Variants in CA10 observed in about 807,000 individuals in gnomAD.
CA10 encodes carbonic anhydrase-related protein 10.
CA10 carries 14 observed loss-of-function variants against 44.2 expected under a neutral mutation model. That is an observed-to-expected ratio of 0.32 (90% CI 0.21 to 0.50). CA10 has a LOEUF of 0.50. Ranked by LOEUF, CA10 falls within the 20% of genes least tolerant of loss-of-function variation. The pLI, the probability that CA10 is intolerant of heterozygous loss-of-function variation, is 0.99. For missense variants in CA10, 350 were observed against 409.7 expected (o/e 0.85, Z 1.26); for synonymous variants, 159 against 141.6 (o/e 1.12, Z -0.87).
intron 4 of CA10, among the ~76,000 whole-genome samples, chr17:51,721,624 C>T (rs1008382603): frequency 8.6e-5 from 13 of 151,780 alleles, no homozygotes; most frequent in African/African-American, 3.1e-4. Context: ...CGTGAGCCAC[C>T]GCACCTGGCC....
At chr17:51,734,805 A>AG (rs1916843547) in intron 4 of CA10, among the ~76,000 whole-genome samples, 1 of 152,102 alleles carries the variant, frequency 6.6e-6, no homozygotes, top group Non-Finnish European at 1.5e-5. Flanking sequence ...AGAATATCTG[A>AG]GATGGGGTAA....
At chr17:51,832,950 G>A (rs1042824793) in intron 3 of CA10, among the ~76,000 whole-genome samples, 4 of 152,124 alleles carry the variant, frequency 2.6e-5, no homozygotes, top group African/African-American at 7.2e-5. Context: ...GGGAAGTATG[G>A]GTGGAGGCTT....
At position 52,064,180 on chromosome 17, in the gene CA10, C is replaced by T. The variant is rs144643314; in HGVS notation, c.136+8139G>A. ...AGGCCATAGGAGACAAGGGTCTCAGCCCTACAACTGCATGGAATTGAATTC... is the reference window on the plus strand; with the variant it reads ...AGGCCATAGGAGACAAGGGTCTCAGTCCTACAACTGCATGGAATTGAATTC... On this transcript the variant is annotated intron_variant, in intron 2 of 8. Transcript: ENST00000451037. 1.2e-3 allele frequency among the ~76,000 whole-genome samples: 182 copies of T among 152,234 alleles called. 5 individuals are homozygous for T. The South Asian group carries it at 0.022, about 18-fold the overall frequency.
At chr17:52,081,570 G>A (rs2143173738) in intron 1 of CA10, among the ~76,000 whole-genome samples, 1 of 152,200 alleles carries the variant, frequency 6.6e-6, no homozygotes, top group East Asian at 1.9e-4. Flanking sequence ...GGAGGCCGAG[G>A]CGGGCGGATC....
At chr17:52,125,125 G>A (rs182790016) in intron 1 of CA10, among the ~76,000 whole-genome samples, 28 of 152,316 alleles carry the variant, frequency 1.8e-4, no homozygotes, top group South Asian at 6.2e-4. Context: ...GTGTTTGTGA[G>A]GTCTTAGCTG....
chr17:51,904,553 A>C (rs1357736356), intron 3 of CA10, among the ~76,000 whole-genome samples: 2 of 152,148 alleles, frequency 1.3e-5, no homozygotes, highest in Non-Finnish European at 2.9e-5. Flanking sequence ...TTTTCACCAG[A>C]GTATAGAAAA....
chr17:52,073,082 A>G (rs142116785), intron 1 of CA10, among the ~76,000 whole-genome samples: 231 of 152,346 alleles, frequency 1.5e-3, no homozygotes, highest in African/African-American at 5.2e-3. Flanking sequence ...CAAAGTATAC[A>G]TGATACATAA....
chr17:52,149,086 G>A (rs1567748975), intron 1 of CA10, among the ~76,000 whole-genome samples: 2 of 152,206 alleles, frequency 1.3e-5, no homozygotes, highest in Admixed American at 6.5e-5. Flanking sequence ...TGTGTGTGTA[G>A]TGAGAGAGAG....
At chr17:51,790,932 C>T (rs1906497854) in intron 3 of CA10, among the ~76,000 whole-genome samples, 1 of 152,196 alleles carries the variant, frequency 6.6e-6, no homozygotes, top group Non-Finnish European at 1.5e-5. Flanking sequence ...ATGGAAGCAG[C>T]ACAGTATACT....
chr17:51,913,930 A>C (rs1227447134), intron 3 of CA10, among the ~76,000 whole-genome samples: 1 of 152,078 alleles, frequency 6.6e-6, no homozygotes, highest in African/African-American at 2.4e-5. Flanking sequence ...ATTATTATCC[A>C]CAGAGAACTG....
chr17:51,874,615 C>T (rs1979970315), intron 3 of CA10, among the ~76,000 whole-genome samples: 2 of 152,122 alleles, frequency 1.3e-5, no homozygotes, highest in African/African-American at 2.4e-5. Context: ...TTATATTAAC[C>T]TTGTTACACA....
intron 2 of CA10, among the ~76,000 whole-genome samples, chr17:52,014,196 G>C (rs910575347): frequency 1.3e-5 from 2 of 151,138 alleles, no homozygotes; most frequent in African/African-American, 2.4e-5. Context: ...TCTTATGAAA[G>C]AGGAAAGCAC....
intron 6 of CA10, among the ~76,000 whole-genome samples, chr17:51,648,939 C>T (rs971446460): frequency 6.6e-6 from 1 of 152,064 alleles, no homozygotes; most frequent in Non-Finnish European, 1.5e-5. Flanking sequence ...TATGGGATAA[C>T]GATGACCACC....
intron 3 of CA10, among the ~76,000 whole-genome samples, chr17:51,795,733 G>T (rs1906680114): frequency 6.6e-6 from 1 of 152,204 alleles, no homozygotes; most frequent in African/African-American, 2.4e-5. Flanking sequence ...AGAGCTCAGG[G>T]CTGACCCCAG....
At chr17:51,752,172 T>C (rs1904915372) in intron 3 of CA10, among the ~76,000 whole-genome samples, 1 of 152,024 alleles carries the variant, frequency 6.6e-6, no homozygotes, top group Admixed American at 6.6e-5. Flanking sequence ...GCATGGTTTG[T>C]TGCACTTTAA....
At chr17:51,947,865 G>C (rs1293481028) in intron 2 of CA10, among the ~76,000 whole-genome samples, 2 of 152,048 alleles carry the variant, frequency 1.3e-5, no homozygotes, top group Non-Finnish European at 2.9e-5. Context: ...ATGTCCAGTT[G>C]TGAGGTTCCC....
intron 2 of CA10, among the ~76,000 whole-genome samples, chr17:52,012,006 A>G (rs1262767047): frequency 6.6e-6 from 1 of 151,992 alleles, no homozygotes; most frequent in Admixed American, 6.6e-5. Flanking sequence ...TCTGGGATGA[A>G]TAAGGGAGGG....
At chr17:52,079,146 C>G (rs1598203544) in intron 1 of CA10, among the ~76,000 whole-genome samples, 1 of 152,070 alleles carries the variant, frequency 6.6e-6, no homozygotes, top group East Asian at 1.9e-4. Flanking sequence ...ATTAGCCGGG[C>G]GCTGTGGCGG....
intron 1 of CA10, among the ~76,000 whole-genome samples, chr17:52,150,867 A>C (rs1206179924): frequency 2.0e-5 from 3 of 152,132 alleles, no homozygotes. Context: ...GTATTTGCTT[A>C]ACCTGAAAAT....
Sources: allele counts gnomAD v4.1 joint callset (sites outside exome capture counted in the v4.1 genomes callset), GRCh38; gene constraint gnomAD v4.1.1; transcripts MANE v1.5; gene names NCBI Gene and HGNC (gene_info 2026-07-23, HGNC 2026-07-21).